ARPP21: variants seen among roughly 807,000 people sequenced by gnomAD.
The protein encoded by ARPP21 is cAMP regulated phosphoprotein 21.
In ARPP21, 69 loss-of-function variants were observed where a neutral mutation model predicts 113.2. The observed-to-expected ratio is 0.61, with a 90% CI of 0.50 to 0.74. The LOEUF (loss-of-function observed/expected upper bound fraction) is 0.74, where lower values mean the gene tolerates loss of function less well. Ranked by LOEUF, ARPP21 falls within the 30% of genes least tolerant of loss-of-function variation. ARPP21 has a pLI of 0.00. For synonymous variants in ARPP21, 368 were observed against 375.5 expected (o/e 0.98, Z 0.23); for missense variants, 1,070 against 1,037.4 (o/e 1.03, Z -0.43).
intron 19 of ARPP21, among the ~76,000 whole-genome samples, chr3:35,771,310 C>T (rs150528857): frequency 1.3e-4 from 19 of 151,802 alleles, no homozygotes; most frequent in Non-Finnish European, 2.5e-4. Flanking sequence ...TGAAGTATCA[C>T]ATAACATCAG....
At chr3:35,762,790 C>A (rs1005626845) in intron 19 of ARPP21, among the ~76,000 whole-genome samples, 5 of 152,008 alleles carry the variant, frequency 3.3e-5, no homozygotes, top group South Asian at 2.1e-4. Context: ...TTTTATAAAA[C>A]CCTAATTTAG....
chr3:35,692,780 A>G (rs527580059), intron 9 of ARPP21, among the ~76,000 whole-genome samples: 5 of 151,732 alleles, frequency 3.3e-5, no homozygotes, highest in African/African-American at 1.2e-4. Flanking sequence ...ATTTCAATTC[A>G]CATTTATTAA....
At chr3:35,649,106 A>T (rs1162061575) in intron 1 of ARPP21, among the ~76,000 whole-genome samples, 1 of 152,212 alleles carries the variant, frequency 6.6e-6, no homozygotes, top group African/African-American at 2.4e-5. Flanking sequence ...TAGTGCTTGC[A>T]TGTGGCAGAT....
intron 1 of ARPP21, chr3:35,679,531 A>G (rs2078340906): frequency 6.6e-6 from 1 of 151,430 alleles, no homozygotes; most frequent in Non-Finnish European, 1.5e-5. Flanking sequence ...GTTAAAATTG[A>G]AGTGAGTAAT....
At chr3:35,736,480 A>G (rs2094358026) in intron 15 of ARPP21, among the ~76,000 whole-genome samples, 1 of 152,232 alleles carries the variant, frequency 6.6e-6, no homozygotes, top group South Asian at 2.1e-4. Context: ...TCAAAGACAA[A>G]GCAATACTAT....
chr3:35,702,159 T>A (rs542277651), intron 9 of ARPP21, among the ~76,000 whole-genome samples: 1 of 151,872 alleles, frequency 6.6e-6, no homozygotes, highest in South Asian at 2.1e-4. Context: ...CCTAGCATTA[T>A]TATTCTTACA....
chr3:35,643,299 G>A (rs933722177), intron 1 of ARPP21, among the ~76,000 whole-genome samples: 2 of 152,072 alleles, frequency 1.3e-5, no homozygotes, highest in African/African-American at 2.4e-5. Context: ...TTAGAACAAT[G>A]TGCAAAGTTG....
rs1358645679 is a variant in ARPP21 at position 35,743,859 on chromosome 3, A to T, written c.2031A>T (p.Pro677=). The change falls in exon 19 of 21, where the codon CCA becomes CCT. Residue 677 remains proline, a synonymous_variant. Transcript: ENST00000684406. ...CACAGATGCCTGTATATTATTACCC[A>T]TCTGGTCAGTACCCTACCTCAACCA... ...PPAQMPVYYY[P]SGQYPTSTTQ... is the part of the protein sequence containing the mutation. 1 of 1,613,870 alleles carries T rather than the reference A, an allele frequency of 6.2e-7. No homozygotes were observed. The highest frequency in any genetic ancestry group is 8.5e-7 in the Non-Finnish European group (1 of 1,179,878).
chr3:35,734,314 A>G (rs1229660935), intron 15 of ARPP21, among the ~76,000 whole-genome samples: 1 of 152,170 alleles, frequency 6.6e-6, no homozygotes, highest in Non-Finnish European at 1.5e-5. Context: ...TTTAAAAATC[A>G]TTTTCCAAAT....
chr3:35,677,649 A>T (rs1226073182), intron 1 of ARPP21, among the ~76,000 whole-genome samples: 1 of 151,998 alleles, frequency 6.6e-6, no homozygotes, highest in Non-Finnish European at 1.5e-5. Context: ...TTGTGCATTT[A>T]TATATAGTCT....
intron 19 of ARPP21, among the ~76,000 whole-genome samples, chr3:35,753,947 G>C (rs1368541393): frequency 6.8e-6 from 1 of 147,654 alleles, no homozygotes; most frequent in Non-Finnish European, 1.5e-5. Context: ...TAATGTAATT[G>C]TCAATGTAAT....
chr3:35,762,219 A>G (rs886881968), intron 19 of ARPP21, among the ~76,000 whole-genome samples: 7 of 151,184 alleles, frequency 4.6e-5, no homozygotes, highest in Non-Finnish European at 8.8e-5. Flanking sequence ...GTCAATTGTT[A>G]TTCTTCAAAT....
chr3:35,754,833 G>A (rs1178031721), intron 19 of ARPP21, among the ~76,000 whole-genome samples: 1 of 151,718 alleles, frequency 6.6e-6, no homozygotes, highest in African/African-American at 2.4e-5. Flanking sequence ...AAGAACTACT[G>A]GTATTATTAG....
chr3:35,776,263 T>G (rs887383214), intron 19 of ARPP21, among the ~76,000 whole-genome samples: 3 of 152,208 alleles, frequency 2.0e-5, no homozygotes, highest in African/African-American at 7.2e-5. Context: ...GCTCAATCTT[T>G]TAGTGCACAA....
intron 19 of ARPP21, among the ~76,000 whole-genome samples, chr3:35,786,319 C>A (rs550712783): frequency 6.6e-6 from 1 of 151,956 alleles, no homozygotes; most frequent in East Asian, 1.9e-4. Flanking sequence ...GTCAAGAGAT[C>A]GAGACCATCC....
chr3:35,651,453 T>C (rs1702345931), intron 1 of ARPP21, among the ~76,000 whole-genome samples: 1 of 152,114 alleles, frequency 6.6e-6, no homozygotes, highest in Admixed American at 6.6e-5. Context: ...TCCATTTTTA[T>C]TGGCTTGTTC....
chr3:35,656,398 GC>G lies in ARPP21; in HGVS notation c.-213+16004del, dbSNP rs1227947115. Among the ~76,000 whole-genome samples, 10 of 152,170 alleles carry G rather than the reference GC, an allele frequency of 6.6e-5. No individual in the cohort carries two copies. In the East Asian group the frequency reaches 1.9e-3, roughly 29 times the overall value. On this transcript the variant is annotated intron_variant, in intron 1 of 20. Transcript: ENST00000684406. ...GATTTATAACAGCTTTATTTTAATTGCCCCAAATTAGGAACAGCTCAAATGT... is the reference window on the plus strand; with the variant it reads ...GATTTATAACAGCTTTATTTTAATTGCCCAAATTAGGAACAGCTCAAATGT...
chr3:35,759,286 C>A (rs1158860718), intron 19 of ARPP21, among the ~76,000 whole-genome samples: 3 of 152,038 alleles, frequency 2.0e-5, no homozygotes, highest in African/African-American at 7.2e-5. Flanking sequence ...GCCTAGGAAA[C>A]CAATAAACCC....
intron 18 of ARPP21, among the ~76,000 whole-genome samples, chr3:35,740,114 A>C (rs921375270): frequency 6.6e-6 from 1 of 152,222 alleles, no homozygotes. Flanking sequence ...AGCAGAGCTC[A>C]CACATCTCTC....
Sources: gnomAD v4.1 joint callset for allele counts (sites outside exome capture counted in the v4.1 genomes callset) on GRCh38, gnomAD v4.1.1 for gene constraint, MANE v1.5 for transcripts, NCBI Gene and HGNC (gene_info 2026-07-23, HGNC 2026-07-21) for gene names.